EPHA5: variants seen among roughly 807,000 people sequenced by gnomAD.
EPHA5 encodes the protein ephrin type-A receptor 5.
In EPHA5, 60 loss-of-function variants were observed where a neutral mutation model predicts 105.0. The ratio of observed to expected loss-of-function variants is 0.57; its 90% CI spans 0.46 to 0.71. EPHA5 has a LOEUF of 0.71. Among genes scored for constraint, EPHA5 ranks in the 30% least tolerant of loss-of-function variants. The pLI, the probability that EPHA5 is intolerant of heterozygous loss-of-function variation, is 0.00. For synonymous variants in EPHA5, 513 were observed against 449.1 expected (o/e 1.14, Z -1.80); for missense variants, 1,218 against 1,274.7 (o/e 0.96, Z 0.68).
chr4:65,462,653 C>A (rs1728238316), intron 5 of EPHA5, among the ~76,000 whole-genome samples: 2 of 152,266 alleles, frequency 1.3e-5, no homozygotes, highest in African/African-American at 4.8e-5. Flanking sequence ...CCAGAAGAAA[C>A]TTTTTCAGAT....
chr4:65,444,946 T>C (rs550980434), intron 5 of EPHA5, among the ~76,000 whole-genome samples: 101 of 152,080 alleles, frequency 6.6e-4, no homozygotes, highest in Admixed American at 1.2e-3. Flanking sequence ...TTAACACATT[T>C]TTATTTTGTT....
At chr4:65,516,713 A>C (rs1455852038) in intron 3 of EPHA5, among the ~76,000 whole-genome samples, 1 of 152,138 alleles carries the variant, frequency 6.6e-6, no homozygotes, top group Non-Finnish European at 1.5e-5. Flanking sequence ...TCTTCAAAAG[A>C]GAAAATTTTC....
At chr4:65,555,774 A>G (rs2149348119) in intron 3 of EPHA5, among the ~76,000 whole-genome samples, 1 of 141,474 alleles carries the variant, frequency 7.1e-6, no homozygotes, top group East Asian at 1.9e-4. Context: ...AATGAGATAT[A>G]TACCATATTC....
intron 5 of EPHA5, among the ~76,000 whole-genome samples, chr4:65,442,563 C>A (rs965349058): frequency 6.6e-6 from 1 of 152,134 alleles, no homozygotes; most frequent in Admixed American, 6.6e-5. Context: ...TATATCAGTG[C>A]CATTCTGTGT....
At position 65,602,126 on chromosome 4, in the gene EPHA5, C is replaced by T. The variant is rs1397271178; in HGVS notation, c.425G>A (p.Gly142Glu). ...FTLRDCNSLP[G>E]GLGTCKETFN... is the part of the protein sequence containing the mutation. The stretch of plus-strand genomic sequence containing the variant: ...GGTTTCCTTACAGGTCCCCAGTCCT[C>T]CAGGAAGGCTGTTGCAGTCCCGCAG... The change falls in exon 3 of 17, where the codon GGA becomes GAA. Residue 142 changes from glycine (G) to glutamate (E), a missense_variant. Gly to Glu is a moderately conservative substitution (Grantham distance 98, BLOSUM62 -2). This residue lies in a region of EPHA5 where 233 missense variants were observed against 227.5 expected (regional missense o/e 1.02). Transcript: ENST00000613740. 1.9e-6 allele frequency: 3 copies of T among 1,614,088 alleles called. No individual in the cohort carries two copies. Among genetic ancestry groups the T allele is most frequent in the Non-Finnish European group, 2.5e-6 (3 of 1,179,994 alleles).
At chr4:65,456,370 A>T (rs1169608474) in intron 5 of EPHA5, among the ~76,000 whole-genome samples, 1 of 151,996 alleles carries the variant, frequency 6.6e-6, no homozygotes, top group Non-Finnish European at 1.5e-5. Flanking sequence ...ACAGTAGTAT[A>T]ATCTGCCATA....
At chr4:65,399,987 A>G (rs181841130) in intron 8 of EPHA5, among the ~76,000 whole-genome samples, 6 of 152,218 alleles carry the variant, frequency 3.9e-5, no homozygotes, top group Non-Finnish European at 1.5e-5. Context: ...TAATTTTCAG[A>G]ATTTACACTG....
chr4:65,362,217 A>G (rs931717304), intron 11 of EPHA5, among the ~76,000 whole-genome samples: 1 of 145,166 alleles, frequency 6.9e-6, no homozygotes, highest in Non-Finnish European at 1.5e-5. Flanking sequence ...CGATGACACC[A>G]CCCATAGGAG....
chr4:65,667,168 A>C (rs1750037037), intron 1 of EPHA5, among the ~76,000 whole-genome samples: 1 of 152,186 alleles, frequency 6.6e-6, no homozygotes, highest in Non-Finnish European at 1.5e-5. Flanking sequence ...ATCTCTAAAA[A>C]AGCCCAAACA....
chr4:65,354,357 G>A (rs1723104337), intron 11 of EPHA5, among the ~76,000 whole-genome samples: 1 of 151,628 alleles, frequency 6.6e-6, no homozygotes, highest in South Asian at 2.1e-4. Context: ...AAAATTGCAA[G>A]ATAAAAAATT....
chr4:65,454,016 C>T (rs999262062), intron 5 of EPHA5, among the ~76,000 whole-genome samples: 2 of 152,110 alleles, frequency 1.3e-5, no homozygotes, highest in South Asian at 2.1e-4. Flanking sequence ...CACGGTGGCT[C>T]ACGCCTGTAA....
At chr4:65,352,733 C>T (rs1028071795) in intron 12 of EPHA5, among the ~76,000 whole-genome samples, 1 of 151,458 alleles carries the variant, frequency 6.6e-6, no homozygotes, top group African/African-American at 2.4e-5. Context: ...TCCCTTTTTA[C>T]ATTTCTTTTT....
rs753971619 is a variant in EPHA5 at position 65,490,522 on chromosome 4, G to T, written c.1257C>A (p.Ser419Arg). Reference protein sequence around the residue: ...GGHVRYLPRQSGLKNTSVMMV... With the variant: ...GGHVRYLPRQRGLKNTSVMMV... ...TCATGACAGAGGTGTTTTTCAGGCC[G>T]CTTTGCCGGGGAAGGTACCTGACAT... The change falls in exon 5 of 17, where the codon AGC (serine) becomes AGA (arginine). Residue 419 changes from serine to arginine, a missense_variant. Ser to Arg is a moderately radical substitution (Grantham distance 110). This residue lies in a region of EPHA5 where 971 missense variants were observed against 1,013.5 expected (regional missense o/e 0.96). Transcript: ENST00000613740. 5.0e-6 allele frequency: 8 copies of T among 1,613,958 alleles called. No individual in the cohort carries two copies. Among genetic ancestry groups the T allele is most frequent in the East Asian group, 4.5e-5 (2 of 44,882 alleles).
intron 5 of EPHA5, among the ~76,000 whole-genome samples, chr4:65,467,330 C>T (rs966754190): frequency 6.6e-6 from 1 of 152,138 alleles, no homozygotes; most frequent in African/African-American, 2.4e-5. Context: ...AAACTGGCCC[C>T]AATTCTCCAC....
At chr4:65,425,026 T>C (rs576576058) in intron 5 of EPHA5, among the ~76,000 whole-genome samples, 2 of 152,210 alleles carry the variant, frequency 1.3e-5, no homozygotes, top group African/African-American at 4.8e-5. Context: ...GAATCAAGTA[T>C]TGGTTACTTG....
intron 5 of EPHA5, among the ~76,000 whole-genome samples, chr4:65,431,344 G>C (rs1346724173): frequency 1.3e-5 from 2 of 152,056 alleles, no homozygotes; most frequent in Non-Finnish European, 2.9e-5. Context: ...TTAAAATTAT[G>C]TATGTATATA....
At chr4:65,584,271 G>A (rs1312482594) in intron 3 of EPHA5, among the ~76,000 whole-genome samples, 3 of 151,762 alleles carry the variant, frequency 2.0e-5, no homozygotes, top group Non-Finnish European at 4.4e-5. Context: ...ATCTCTGTTG[G>A]ATGTACAGTA....
chr4:65,488,724 A>C (rs1034957616), intron 5 of EPHA5, among the ~76,000 whole-genome samples: 2 of 152,218 alleles, frequency 1.3e-5, no homozygotes, highest in Admixed American at 6.5e-5. Flanking sequence ...ATAGGAAAAA[A>C]AATGCCATAG....
At chr4:65,669,323 C>T in intron 1 of EPHA5, 1 of 909,286 alleles carries the variant, frequency 1.1e-6, no homozygotes, top group Non-Finnish European at 1.3e-6. Flanking sequence ...GCCCCCCAAC[C>T]AGCCTCTGTC....
Sources: allele counts gnomAD v4.1 joint callset (sites outside exome capture counted in the v4.1 genomes callset), GRCh38; gene constraint gnomAD v4.1.1; regional missense constraint gnomAD v4.1.1; transcripts MANE v1.5; gene names NCBI Gene and HGNC (gene_info 2026-07-23, HGNC 2026-07-21).